Variants in MROH9 observed in about 807,000 individuals in gnomAD.
MROH9 encodes maestro heat like repeat family member 9.
Under a neutral mutation model 98.2 loss-of-function variants are expected in MROH9, and 92 were observed. The ratio of observed to expected loss-of-function variants is 0.94; its 90% CI spans 0.79 to 1.11. MROH9 has a LOEUF of 1.11. Among genes scored for constraint, MROH9 ranks in the 50% most tolerant of loss-of-function variants. The pLI, the probability that MROH9 is intolerant of heterozygous loss-of-function variation, is 0.00. For synonymous variants in MROH9, 397 were observed against 368.9 expected, an observed-to-expected ratio of 1.08 and a Z score of -0.87; for missense variants, 1,057 against 1,014.8, an observed-to-expected ratio of 1.04 and a Z score of -0.57.
intron 3 of MROH9, among the ~76,000 whole-genome samples, chr1:170,950,741 A>T (rs533055006): frequency 6.6e-6 from 1 of 152,266 alleles, no homozygotes; most frequent in South Asian, 2.1e-4. Context: ...ATTCAAAAAC[A>T]TGCTTCTATG....
chr1:171,033,276 G>A (rs868792702), intron 20 of MROH9, among the ~76,000 whole-genome samples: 1 of 152,272 alleles, frequency 6.6e-6, no homozygotes, highest in Non-Finnish European at 1.5e-5. Context: ...TGCAGGCAGC[G>A]GCAGCTGGCG....
chr1:171,058,131 C>A (rs1455184404), intron 20 of MROH9, among the ~76,000 whole-genome samples: 1 of 152,116 alleles, frequency 6.6e-6, no homozygotes, highest in African/African-American at 2.4e-5. Context: ...TGATAAGCAA[C>A]TTTAGCAAAG....
At chr1:171,028,101 T>C (rs1162779602) in intron 20 of MROH9, among the ~76,000 whole-genome samples, 8 of 152,194 alleles carry the variant, frequency 5.3e-5, no homozygotes, top group Admixed American at 5.2e-4. Context: ...TCATGAAATC[T>C]TTGCCCATGC....
chr1:171,006,722 T>C (rs1414033856), intron 15 of MROH9, among the ~76,000 whole-genome samples: 1 of 151,630 alleles, frequency 6.6e-6, no homozygotes, highest in Non-Finnish European at 1.5e-5. Context: ...TCAAGTTTGC[T>C]AATTCTTTCT....
chr1:170,963,894 T>C (rs958084967), intron 6 of MROH9, among the ~76,000 whole-genome samples: 2 of 152,036 alleles, frequency 1.3e-5, no homozygotes, highest in Non-Finnish European at 2.9e-5. Flanking sequence ...CTAGGCTTAA[T>C]ATCACAAGTT....
intron 20 of MROH9, among the ~76,000 whole-genome samples, chr1:171,042,713 G>C (rs1421952803): frequency 6.6e-6 from 1 of 152,062 alleles, no homozygotes; most frequent in East Asian, 1.9e-4. Context: ...TTGTAGTTTT[G>C]ATTTGCATTT....
At chr1:171,027,259 G>A (rs1337380575) in intron 20 of MROH9, among the ~76,000 whole-genome samples, 1 of 152,110 alleles carries the variant, frequency 6.6e-6, no homozygotes, top group Non-Finnish European at 1.5e-5. Context: ...CTTTGTCCAT[G>A]TGTTCTTGTT....
At chr1:170,985,458 G>A (rs2101801715) in intron 9 of MROH9, among the ~76,000 whole-genome samples, 1 of 152,246 alleles carries the variant, frequency 6.6e-6, no homozygotes, top group South Asian at 2.1e-4. Context: ...AGAGTTACGT[G>A]TAGATAATAT....
chr1:170,991,652 A>G lies in MROH9; in HGVS notation c.1029-512A>G, dbSNP rs536655155. Among the ~76,000 whole-genome samples, 9 of 152,268 alleles carry G rather than the reference A, an allele frequency of 5.9e-5. No homozygotes were observed. In the South Asian group the frequency reaches 6.2e-4, roughly 11 times the overall value. ...GATTTTAATAGCATCTGTGTCACTC[A>G]TTGTGTGACATTTGACAAAATGGCT... On this transcript the variant is annotated intron_variant, in intron 11 of 21. Coordinates refer to ENST00000367759, the MANE Select transcript of MROH9 (RefSeq NM_001163629.2).
At chr1:170,995,584 C>A (rs753226667) in intron 13 of MROH9, 53 bp downstream of exon 13, 26 of 1,593,614 alleles carry the variant, frequency 1.6e-5, no homozygotes, top group Non-Finnish European at 2.1e-5. Flanking sequence ...GTCCAGCTGT[C>A]AATACTTCTA....
intron 7 of MROH9, among the ~76,000 whole-genome samples, chr1:170,965,592 T>C (rs961228676): frequency 2.0e-5 from 3 of 152,134 alleles, no homozygotes; most frequent in African/African-American, 7.2e-5. Flanking sequence ...ATGTATTACT[T>C]CCTAAAATAA....
At chr1:170,989,050 G>T (rs868002036) in intron 10 of MROH9, among the ~76,000 whole-genome samples, 1 of 152,060 alleles carries the variant, frequency 6.6e-6, no homozygotes, top group Non-Finnish European at 1.5e-5. Flanking sequence ...TCTTTTGTTT[G>T]CCATAGAAAG....
At position 170,992,341 on chromosome 1, in the gene MROH9, G is replaced by A. The variant is rs374959088; in HGVS notation, c.1194+12G>A. ...TGATGCCTTTGGCGGTAAATAACACGATGAGTGTTTCTTCTTCTCAGTACT... is the reference window on the plus strand; with the variant it reads ...TGATGCCTTTGGCGGTAAATAACACAATGAGTGTTTCTTCTTCTCAGTACT... On this transcript the variant is annotated intron_variant, in intron 12 of 21. Transcript: ENST00000367759. 2.1e-5 allele frequency: 34 copies of A among 1,609,318 alleles called. No individual in the cohort carries two copies. The African/African-American group carries it at 3.2e-4, about 15-fold the overall frequency.
intron 3 of MROH9, among the ~76,000 whole-genome samples, chr1:170,957,723 T>TCTCATTCC (rs1459002199): frequency 6.6e-6 from 1 of 152,094 alleles, no homozygotes; most frequent in East Asian, 1.9e-4. Context: ...AAGGCTAAAT[T>TCTCATTCC]CTCATTCCAT....
At chr1:170,960,537 T>G (rs868012175) in intron 5 of MROH9, among the ~76,000 whole-genome samples, 6 of 152,332 alleles carry the variant, frequency 3.9e-5, no homozygotes, top group Middle Eastern at 3.4e-3. Context: ...CCACATAGCA[T>G]ACAATTTCTA....
chr1:170,966,713 A>G (rs147147264), intron 7 of MROH9, among the ~76,000 whole-genome samples: 2 of 152,258 alleles, frequency 1.3e-5, no homozygotes, highest in African/African-American at 2.4e-5. Flanking sequence ...CAGTGTCCCA[A>G]AAAAGAGAGT....
chr1:170,966,769 C>A (rs1015433537), intron 7 of MROH9, among the ~76,000 whole-genome samples: 4 of 152,120 alleles, frequency 2.6e-5, no homozygotes, highest in African/African-American at 4.8e-5. Context: ...GGGAAGGCAG[C>A]CTTTCTCTAA....
intron 15 of MROH9, among the ~76,000 whole-genome samples, chr1:171,005,308 T>A (rs1651919844): frequency 6.6e-6 from 1 of 152,156 alleles, no homozygotes; most frequent in Non-Finnish European, 1.5e-5. Context: ...TGAGCTCAAG[T>A]GATCCACCCA....
intron 20 of MROH9, among the ~76,000 whole-genome samples, chr1:171,057,218 A>G (rs893938607): frequency 2.6e-5 from 4 of 152,232 alleles, no homozygotes; most frequent in African/African-American, 9.6e-5. Context: ...AAAAACCTTG[A>G]TAAAAGGTTA....
Sources: gnomAD v4.1 joint callset for allele counts (sites outside exome capture counted in the v4.1 genomes callset) on GRCh38, gnomAD v4.1.1 for gene constraint, MANE v1.5 for transcripts, NCBI Gene and HGNC (gene_info 2026-07-23, HGNC 2026-07-21) for gene names.